Variants in ERBB4 observed in about 807,000 individuals in gnomAD.
ERBB4 encodes erb-b2 receptor tyrosine kinase 4.
ERBB4 carries 42 observed loss-of-function variants against 158.0 expected under a neutral mutation model. The ratio of observed to expected loss-of-function variants is 0.27; its 90% confidence interval spans 0.21 to 0.34. ERBB4 has a LOEUF of 0.34. ERBB4 is among the 10% of genes least tolerant of loss of function. ERBB4 has a pLI of 1.00. For synonymous variants in ERBB4, 583 were observed against 558.7 expected (o/e 1.04, Z -0.61); for missense variants, 1,333 against 1,624.1 (o/e 0.82, Z 3.08).
At chr2:211,548,947 C>G (rs2067010676) in intron 20 of ERBB4, among the ~76,000 whole-genome samples, 1 of 152,076 alleles carries the variant, frequency 6.6e-6, no homozygotes. Flanking sequence ...TCAATAGACT[C>G]TGCTAATCAT....
intron 15 of ERBB4, among the ~76,000 whole-genome samples, chr2:211,661,821 C>T (rs921448225): frequency 1.3e-5 from 2 of 151,126 alleles, no homozygotes. Context: ...GGGCGGATCA[C>T]GAGGTCAGGA....
chr2:211,931,078 G>T (rs543783600), intron 3 of ERBB4, among the ~76,000 whole-genome samples: 1 of 152,148 alleles, frequency 6.6e-6, no homozygotes, highest in East Asian at 1.9e-4. Context: ...GAAGTCTTGT[G>T]TTAAAGGCTT....
chr2:211,745,538 A>C (rs541557557), intron 5 of ERBB4, among the ~76,000 whole-genome samples: 3 of 152,170 alleles, frequency 2.0e-5, no homozygotes, highest in Non-Finnish European at 2.9e-5. Context: ...GGCCTACAGG[A>C]GTTTGCCTTC....
intron 2 of ERBB4, among the ~76,000 whole-genome samples, chr2:211,971,246 A>T (rs1350444721): frequency 6.6e-6 from 1 of 152,128 alleles, no homozygotes; most frequent in African/African-American, 2.4e-5. Flanking sequence ...AGAGCTCTGC[A>T]GTTAGTCTGA....
intron 1 of ERBB4, among the ~76,000 whole-genome samples, chr2:212,150,983 A>G (rs2080848595): frequency 6.6e-6 from 1 of 152,122 alleles, no homozygotes; most frequent in Non-Finnish European, 1.5e-5. Context: ...CAACAGAAAT[A>G]TTGGTTCCAT....
chr2:211,569,121 C>A (rs181203752), intron 19 of ERBB4, among the ~76,000 whole-genome samples: 7 of 152,258 alleles, frequency 4.6e-5, no homozygotes, highest in African/African-American at 1.4e-4. Flanking sequence ...CAGGACTCTT[C>A]TAAACTTTGA....
chr2:211,913,968 G>A (rs569262961), intron 3 of ERBB4, among the ~76,000 whole-genome samples: 2 of 135,976 alleles, frequency 1.5e-5, no homozygotes, highest in Admixed American at 7.8e-5. Context: ...AATAAGTGGA[G>A]AAAATAAAGG....
chr2:212,264,348 A>C, intron 1 of ERBB4, among the ~76,000 whole-genome samples: 1 of 152,140 alleles, frequency 6.6e-6, no homozygotes, highest in East Asian at 1.9e-4. Flanking sequence ...ACATATACTC[A>C]GTAATTACCA....
chr2:212,202,170 T>C (rs1185532863), intron 1 of ERBB4, among the ~76,000 whole-genome samples: 5 of 152,150 alleles, frequency 3.3e-5, no homozygotes, highest in Non-Finnish European at 4.4e-5. Context: ...TAAATGGATA[T>C]TTAATTTTAT....
At chr2:211,906,396 G>C (rs530813027) in intron 3 of ERBB4, among the ~76,000 whole-genome samples, 1 of 152,036 alleles carries the variant, frequency 6.6e-6, no homozygotes, top group Non-Finnish European at 1.5e-5. Context: ...GAAATGGAAC[G>C]AACTATAGAG....
intron 19 of ERBB4, among the ~76,000 whole-genome samples, chr2:211,607,931 G>A (rs1403219579): frequency 2.2e-5 from 3 of 136,510 alleles, no homozygotes; most frequent in Non-Finnish European, 4.6e-5. Flanking sequence ...GTGTAGTGGT[G>A]CGATCTCTGC....
intron 1 of ERBB4, among the ~76,000 whole-genome samples, chr2:212,273,081 T>C (rs559482990): frequency 4.0e-5 from 6 of 151,848 alleles, no homozygotes; most frequent in African/African-American, 1.2e-4. Context: ...ACTTTGAGTA[T>C]GTGGATTTTC....
At chr2:211,929,045 A>T (rs2080097392) in intron 3 of ERBB4, among the ~76,000 whole-genome samples, 1 of 152,184 alleles carries the variant, frequency 6.6e-6, no homozygotes, top group African/African-American at 2.4e-5. Context: ...ACCAATAAGC[A>T]AATGAAAATA....
chr2:211,636,633 C>T (rs1288059164), intron 16 of ERBB4, among the ~76,000 whole-genome samples: 2 of 151,756 alleles, frequency 1.3e-5, no homozygotes, highest in East Asian at 3.9e-4. Flanking sequence ...TCTATGTGAG[C>T]AATAAATCAA....
At chr2:211,411,487 A>G (rs1350913161) in intron 25 of ERBB4, among the ~76,000 whole-genome samples, 1 of 152,222 alleles carries the variant, frequency 6.6e-6, no homozygotes, top group Non-Finnish European at 1.5e-5. Context: ...AGTCAAATCT[A>G]TAATACATAA....
chr2:212,499,284 A>AT (rs1305852346), intron 1 of ERBB4, among the ~76,000 whole-genome samples: 3 of 151,944 alleles, frequency 2.0e-5, no homozygotes, highest in Non-Finnish European at 2.9e-5. Flanking sequence ...CATTTCAGTA[A>AT]TTTTTTATTA....
chr2:212,421,239 T>C (rs1050991373), intron 1 of ERBB4, among the ~76,000 whole-genome samples: 9 of 152,152 alleles, frequency 5.9e-5, no homozygotes, highest in African/African-American at 2.2e-4. Flanking sequence ...ATTTGTTTAA[T>C]TGGACATTCT....
chr2:212,068,451 T>G (rs2078007464), intron 2 of ERBB4, among the ~76,000 whole-genome samples: 1 of 152,032 alleles, frequency 6.6e-6, no homozygotes, highest in Non-Finnish European at 1.5e-5. Flanking sequence ...CCTAAACTAA[T>G]TTGTTGTCTG....
chr2:212,227,933 G>GTGCT (rs1234249020), intron 1 of ERBB4, among the ~76,000 whole-genome samples: 5 of 152,134 alleles, frequency 3.3e-5, no homozygotes, highest in African/African-American at 1.2e-4. Flanking sequence ...CTTTGGCATT[G>GTGCT]TGCTGTCAGA....
Sources: allele counts gnomAD v4.1 joint callset (sites outside exome capture counted in the v4.1 genomes callset), GRCh38; gene constraint gnomAD v4.1.1; transcripts MANE v1.5; gene names NCBI Gene and HGNC (gene_info 2026-07-23, HGNC 2026-07-21).